Variants in EGFR observed in about 807,000 individuals in gnomAD.
The protein encoded by EGFR is avian erythroblastic leukemia viral (v-erb-b) oncogene homolog.
In EGFR, 58 loss-of-function variants were observed where a neutral mutation model predicts 143.0. The ratio of observed to expected loss-of-function variants is 0.41; its 90% CI spans 0.33 to 0.50. EGFR has a LOEUF of 0.50. EGFR is among the 20% of genes least tolerant of loss of function. The probability of loss-of-function intolerance (pLI) is 0.39; values close to 1 mark genes in which losing one functional copy is unlikely to be tolerated. For synonymous variants in EGFR, 613 were observed against 594.4 expected (o/e 1.03, Z -0.45); for missense variants, 1,307 against 1,579.0 (o/e 0.83, Z 2.92).
At chr7:55,174,402 T>G (rs1190487120) in intron 18 of EGFR, among the ~76,000 whole-genome samples, 1 of 152,230 alleles carries the variant, frequency 6.6e-6, no homozygotes, top group Non-Finnish European at 1.5e-5. Context: ...AGATCCTCTT[T>G]GCATGAAATC....
At chr7:55,105,745 C>G (rs138329378) in intron 1 of EGFR, among the ~76,000 whole-genome samples, 1 of 152,130 alleles carries the variant, frequency 6.6e-6, no homozygotes, top group Admixed American at 6.5e-5. Flanking sequence ...AGTGAAAGAA[C>G]TCTGATTTCA....
At chr7:55,184,517 G>A (rs1427223810) in intron 20 of EGFR, among the ~76,000 whole-genome samples, 1 of 152,190 alleles carries the variant, frequency 6.6e-6, no homozygotes, top group East Asian at 1.9e-4. Flanking sequence ...CCATTACAGA[G>A]AATAAACTTA....
In EGFR at chr7:55,205,664, C is replaced by A. The variant is rs772251838; in HGVS notation, c.*47C>A. On this transcript the variant is annotated 3_prime_UTR_variant, in exon 28 of 28. Transcript: ENST00000275493. ...CTAAAAATCCAGACTCTTTCGATAC[C>A]CAGGACCAAGCCACAGCAGGTCCTC... 1 of 1,613,762 alleles carries A rather than the reference C, an allele frequency of 6.2e-7. No homozygotes were observed. The highest frequency in any genetic ancestry group is 8.5e-7 in the Non-Finnish European group (1 of 1,179,996).
chr7:55,198,578 T>A, intron 22 of EGFR, 139 bp from the exon 23 acceptor site: 1 of 1,295,820 alleles, frequency 7.7e-7, no homozygotes, highest in Non-Finnish European at 1.1e-6. Flanking sequence ...CTTCCAGCAT[T>A]GAAGCAAATT....
intron 12 of EGFR, among the ~76,000 whole-genome samples, chr7:55,161,078 A>AC (rs1347539647): frequency 6.6e-6 from 1 of 151,994 alleles, no homozygotes; most frequent in African/African-American, 2.4e-5. Context: ...ATCAAAACAC[A>AC]CCCTGTGCCC....
At position 55,171,282 on chromosome 7, in the gene EGFR, C is replaced by T. The variant is rs1786338411; in HGVS notation, c.1919+69C>T. 3.1e-6 allele frequency: 5 copies of T among 1,592,394 alleles called. No individual in the cohort carries two copies. In the Admixed American group the frequency reaches 5.0e-5, roughly 16 times the overall value. On this transcript the variant is annotated intron_variant, in intron 16 of 27. Transcript: ENST00000275493. ...GACCACACTGCTGTGGGTGAAGATG[C>T]TTTCCTGCATTTCTGACTGTCCTCT...
intron 11 of EGFR, among the ~76,000 whole-genome samples, chr7:55,159,155 G>T (rs1785573338): frequency 6.6e-6 from 1 of 152,148 alleles, no homozygotes; most frequent in Non-Finnish European, 1.5e-5. Flanking sequence ...CTCCCAGCCT[G>T]CATCATCGTG....
intron 19 of EGFR, 36 bp from the exon 20 acceptor site, chr7:55,181,257 G>A (rs1449002170): frequency 6.2e-7 from 1 of 1,612,944 alleles, no homozygotes; most frequent in Non-Finnish European, 8.5e-7. Context: ...TGGCCACCAT[G>A]CGAAGCCACA....
chr7:55,170,599 A>G, intron 15 of EGFR: 1 of 1,607,616 alleles, frequency 6.2e-7, no homozygotes, highest in Non-Finnish European at 8.5e-7. Flanking sequence ...CCACCCCTGC[A>G]CGTGGGCCGC....
chr7:55,021,693 T>C (rs1288737987), intron 1 of EGFR, among the ~76,000 whole-genome samples: 2 of 152,212 alleles, frequency 1.3e-5, no homozygotes, highest in Non-Finnish European at 2.9e-5. Context: ...AGATGCACTT[T>C]GTTTAGTGGG....
chr7:55,055,968 G>A (rs778532021), intron 1 of EGFR, among the ~76,000 whole-genome samples: 1 of 152,114 alleles, frequency 6.6e-6, no homozygotes, highest in Non-Finnish European at 1.5e-5. Flanking sequence ...TGGGTAATAA[G>A]GCATTGGGTT....
intron 1 of EGFR, among the ~76,000 whole-genome samples, chr7:55,086,793 G>A (rs761078945): frequency 5.3e-5 from 8 of 152,226 alleles, no homozygotes; most frequent in Admixed American, 5.2e-4. Context: ...ACCCATGGGA[G>A]AACAGACTTT....
At chr7:55,180,673 T>G (rs1786819103) in intron 19 of EGFR, 1 of 163,472 alleles carries the variant, frequency 6.1e-6, no homozygotes, top group Non-Finnish European at 1.3e-5. Context: ...AGCTACTCTT[T>G]GCAGAGGTGC....
Position 55,202,428 on chromosome 7 carries a change from G to C in EGFR, c.3163-89G>C, listed in dbSNP as rs1310389551. ...CTGCCCAACCTACTAATCAGAACCA[G>C]CATCTCAAGGAGATCTCGGGTGATT... On this transcript the variant is annotated intron_variant, in intron 26 of 27. Coordinates refer to ENST00000275493, the MANE Select transcript of EGFR (RefSeq NM_005228.5). The C allele has an allele frequency of 2.7e-6, 3 of 1,122,922 alleles. No individual in the cohort carries two copies. The African/African-American group carries it at 4.6e-5, about 17-fold the overall frequency. The allele number at this position is 1,122,922 out of a possible 1,614,324, so 69.6% of individuals were successfully genotyped here. A position where few individuals can be genotyped will look rare whatever the true frequency, so the allele number is the denominator to read the frequency against.
intron 22 of EGFR, among the ~76,000 whole-genome samples, chr7:55,193,486 A>C (rs1787490641): frequency 6.6e-6 from 1 of 152,108 alleles, no homozygotes; most frequent in South Asian, 2.1e-4. Context: ...CCCTGTCCTG[A>C]GCCTACAGGG....
intron 16 of EGFR, chr7:55,172,772 G>T: frequency 7.1e-7 from 1 of 1,401,348 alleles, no homozygotes; most frequent in South Asian, 1.2e-5. Flanking sequence ...GGAAAAGTGT[G>T]CCTGGTAGGG....
chr7:55,062,796 C>T (rs1789268207), intron 1 of EGFR, among the ~76,000 whole-genome samples: 1 of 152,056 alleles, frequency 6.6e-6, no homozygotes, highest in South Asian at 2.1e-4. Flanking sequence ...AAATGTGCTG[C>T]TGTGCTCTGA....
intron 22 of EGFR, among the ~76,000 whole-genome samples, chr7:55,197,765 T>G (rs965613783): frequency 2.0e-5 from 3 of 152,208 alleles, no homozygotes; most frequent in Non-Finnish European, 4.4e-5. Flanking sequence ...TCATGTGGCT[T>G]TTGTCCTTAG....
intron 1 of EGFR, among the ~76,000 whole-genome samples, chr7:55,070,748 C>T (rs1047644769): frequency 6.6e-6 from 1 of 152,218 alleles, no homozygotes; most frequent in Non-Finnish European, 1.5e-5. Context: ...AAGAAGAAAT[C>T]ACACATCCTA....
Sources: gnomAD v4.1 joint callset for allele counts (sites outside exome capture counted in the v4.1 genomes callset) on GRCh38, gnomAD v4.1.1 for gene constraint, MANE v1.5 for transcripts, NCBI Gene and HGNC (gene_info 2026-07-23, HGNC 2026-07-21) for gene names.